The following SHROOM3 variants were observed in gnomAD, a reference collection of about 807,000 sequenced individuals.
SHROOM3 encodes the protein shroom family member 3.
A neutral mutation model predicts 138.6 loss-of-function variants in SHROOM3; 47 were observed. The ratio of observed to expected loss-of-function variants is 0.34; its 90% CI spans 0.27 to 0.43. The LOEUF (loss-of-function observed/expected upper bound fraction) is 0.43. Ranked by LOEUF, SHROOM3 falls within the 20% of genes least tolerant of loss-of-function variation. The pLI is 1.00. For missense variants in SHROOM3, 2,491 were observed against 2,596.5 expected (o/e 0.96, Z 0.88); for synonymous variants, 1,062 against 1,063.3 (o/e 1.00, Z 0.02).
intron 1 of SHROOM3, among the ~76,000 whole-genome samples, chr4:76,513,768 C>G (rs1732389044): frequency 6.6e-6 from 1 of 152,190 alleles, no homozygotes; most frequent in South Asian, 2.1e-4. Context: ...CTGACCTTAG[C>G]TGGCAGGCAC....
chr4:76,542,691 C>T (rs916066742), intron 1 of SHROOM3, among the ~76,000 whole-genome samples: 11 of 152,336 alleles, frequency 7.2e-5, no homozygotes, highest in Middle Eastern at 6.8e-3. Flanking sequence ...CTAGCTGACA[C>T]CTTGGTTTTA....
chr4:76,450,900 A>C (rs1464935437), intron 1 of SHROOM3, among the ~76,000 whole-genome samples: 1 of 152,200 alleles, frequency 6.6e-6, no homozygotes, highest in Non-Finnish European at 1.5e-5. Context: ...AAAGACAGAA[A>C]TTATAGTAAA....
At position 76,738,895 on chromosome 4, in the gene SHROOM3, A is replaced by G. The variant is rs1315548112; in HGVS notation, c.722A>G (p.Lys241Arg). ...CCACCCTGTCATCTTTCCCCTGCCAAGTCCACCGGCAGCATTGACCAGCTC... is the reference window on the plus strand; with the variant it reads ...CCACCCTGTCATCTTTCCCCTGCCAGGTCCACCGGCAGCATTGACCAGCTC... ...AYPPCHLSPA[K>R]STGSIDQLSH... The change falls in exon 5 of 11, where the codon AAG becomes AGG. Residue 241 changes from lysine to arginine, a missense_variant. Lys to Arg is a conservative substitution (Grantham distance 26). Coordinates refer to ENST00000296043, the MANE Select transcript of SHROOM3 (RefSeq NM_020859.4). 1.9e-6 allele frequency: 3 copies of G among 1,614,218 alleles called. No individual in the cohort carries two copies. In the Admixed American group the frequency reaches 5.0e-5, roughly 27 times the overall value.
intron 3 of SHROOM3, among the ~76,000 whole-genome samples, chr4:76,713,796 T>C (rs894591701): frequency 3.3e-5 from 5 of 152,284 alleles, no homozygotes; most frequent in South Asian, 4.2e-4. Flanking sequence ...TATAATCTTA[T>C]GGAACCACCG....
Position 76,741,506 on chromosome 4 carries a change from A to G in SHROOM3, c.3333A>G (p.Pro1111=), listed in dbSNP as rs1335358641. 1.9e-6 allele frequency: 3 copies of G among 1,554,896 alleles called. No homozygotes were observed. The highest frequency in any genetic ancestry group is 2.6e-6 in the Non-Finnish European group (3 of 1,155,592). The change falls in exon 5 of 11, where the codon CCA becomes CCG. Residue 1111 remains proline, a synonymous_variant. Transcript: ENST00000296043. This position sits in a 1 kb window ranked among gnomAD's most constrained non-coding sequence, Gnocchi z 6.2. ...GCTGCAGCCTCCAGGAGCCCGGGCC[A>G]CTGCGTGAGCGCGCCCAGAGTGCCT... The part of the protein sequence containing the change: ...AAGCSLQEPG[P]LRERAQSAYL...
At chr4:76,595,928 T>C (rs1734373289) in intron 2 of SHROOM3, among the ~76,000 whole-genome samples, 4 of 152,232 alleles carry the variant, frequency 2.6e-5, no homozygotes. Flanking sequence ...GGCAGAACTC[T>C]TGCAGTTGTT....
chr4:76,567,087 T>C (rs1453724292), intron 2 of SHROOM3, among the ~76,000 whole-genome samples: 1 of 152,216 alleles, frequency 6.6e-6, no homozygotes, highest in Non-Finnish European at 1.5e-5. Context: ...TATTCTGCTG[T>C]CAAACTCTAG....
chr4:76,474,826 C>T (rs1448633390), intron 1 of SHROOM3, among the ~76,000 whole-genome samples: 1 of 151,992 alleles, frequency 6.6e-6, no homozygotes, highest in Non-Finnish European at 1.5e-5. Flanking sequence ...ACTTGAGAGG[C>T]TGAGGCAGGA....
intron 2 of SHROOM3, among the ~76,000 whole-genome samples, chr4:76,584,335 G>A (rs545661788): frequency 0.012 from 1,797 of 150,984 alleles, 16 homozygotes; most frequent in South Asian, 0.05. Flanking sequence ...AAAAAAAAAA[G>A]AGTCACATAG....
chr4:76,718,987 C>T (rs1577993542), intron 3 of SHROOM3, among the ~76,000 whole-genome samples: 1 of 152,152 alleles, frequency 6.6e-6, no homozygotes, highest in Non-Finnish European at 1.5e-5. Context: ...GTAGCCTTCT[C>T]CGGGCACTCA....
chr4:76,761,872 G>A (rs990697081), intron 9 of SHROOM3, among the ~76,000 whole-genome samples: 10 of 152,200 alleles, frequency 6.6e-5, no homozygotes, highest in Admixed American at 5.9e-4. Context: ...ACATAACCAG[G>A]GCCTGGCACC....
At chr4:76,494,531 T>G (rs1731925158) in intron 1 of SHROOM3, among the ~76,000 whole-genome samples, 1 of 152,132 alleles carries the variant, frequency 6.6e-6, no homozygotes, top group East Asian at 1.9e-4. Context: ...TGGTAAGTGT[T>G]TTAGGGCACA....
intron 2 of SHROOM3, among the ~76,000 whole-genome samples, chr4:76,671,839 A>T (rs947592626): frequency 3.1e-4 from 47 of 152,184 alleles, no homozygotes; most frequent in East Asian, 5.8e-4. Context: ...ATTTTTAAAA[A>T]TTTTTTTTGG....
At chr4:76,581,924 C>G (rs1734060701) in intron 2 of SHROOM3, among the ~76,000 whole-genome samples, 1 of 152,348 alleles carries the variant, frequency 6.6e-6, no homozygotes, top group East Asian at 1.9e-4. Context: ...ATTCTACAAT[C>G]ACTCTTCCTT....
chr4:76,596,826 C>T (rs930305865), intron 2 of SHROOM3, among the ~76,000 whole-genome samples: 13 of 152,230 alleles, frequency 8.5e-5, no homozygotes, highest in Admixed American at 2.0e-4. Context: ...ATTCTGTCCC[C>T]TACATCTACT....
chr4:76,665,882 C>T lies in SHROOM3; in HGVS notation c.324-44274C>T, dbSNP rs190859696. ...TTCTCTCTGCCATCAGGCGTGACAT[C>T]CTGACCCCACGCCATACCTTCATTC... On this transcript the variant is annotated intron_variant, in intron 2 of 10. Transcript: ENST00000296043. 7.8e-3 allele frequency among the ~76,000 whole-genome samples: 1,179 copies of T among 151,014 alleles called. 16 individuals are homozygous for T. The highest frequency in any genetic ancestry group is 0.027 in the African/African-American group (1,137 of 41,470).
intron 10 of SHROOM3, among the ~76,000 whole-genome samples, chr4:76,778,411 G>A (rs1010316239): frequency 5.9e-5 from 9 of 151,992 alleles, no homozygotes; most frequent in East Asian, 3.9e-4. Context: ...TAGTAGAGAC[G>A]GGGTTTCACC....
chr4:76,459,597 C>T (rs1731100734), intron 1 of SHROOM3, among the ~76,000 whole-genome samples: 1 of 152,144 alleles, frequency 6.6e-6, no homozygotes, highest in Admixed American at 6.5e-5. Flanking sequence ...GAAAATCTCG[C>T]ACAGCCAGAT....
chr4:76,618,506 A>G lies in SHROOM3; in HGVS notation c.323+62743A>G, dbSNP rs547112917. The stretch of plus-strand genomic sequence containing the variant: ...TTTATTTGAAAATAATTTCAAACTT[A>G]ATAGGAAAGTTACAAGAGTAAGAAC... On this transcript the variant is annotated intron_variant, in intron 2 of 10. Transcript: ENST00000296043. 1.1e-4 allele frequency among the ~76,000 whole-genome samples: 16 copies of G among 152,344 alleles called. No homozygotes were observed. The South Asian group carries it at 3.3e-3, about 32-fold the overall frequency.
Sources: gnomAD v4.1 joint callset for allele counts (sites outside exome capture counted in the v4.1 genomes callset) on GRCh38, gnomAD v4.1.1 for gene constraint, Gnocchi (gnomAD v3.1) non-coding constraint, MANE v1.5 for transcripts, NCBI Gene and HGNC (gene_info 2026-07-23, HGNC 2026-07-21) for gene names.